Variants in CNN1 observed in about 807,000 individuals in gnomAD.
CNN1 encodes the protein calponin 1.
Under a neutral mutation model 35.3 loss-of-function variants are expected in CNN1, and 21 were observed. That is an observed-to-expected ratio of 0.60 (90% confidence interval 0.42 to 0.86). The LOEUF (loss-of-function observed/expected upper bound fraction) is 0.86. Ranked by LOEUF, CNN1 falls within the 40% of genes least tolerant of loss-of-function variation. The probability of loss-of-function intolerance (pLI) is 0.00; values close to 1 mark genes in which losing one functional copy is unlikely to be tolerated. For missense variants in CNN1, 314 were observed against 400.8 expected, an observed-to-expected ratio of 0.78 and a Z score of 1.85; for synonymous variants, 164 against 161.8, an observed-to-expected ratio of 1.01 and a Z score of -0.10.
intron 2 of CNN1, among the ~76,000 whole-genome samples, chr19:11,543,698 G>A (rs1026569378): frequency 1.3e-5 from 2 of 150,472 alleles, no homozygotes; most frequent in Admixed American, 6.7e-5. Context: ...CAGGAGAATA[G>A]CGTGAACCCG....
Position 11,538,889 on chromosome 19 carries a change from C to T in CNN1, c.-39C>T, listed in dbSNP as rs201869741. On this transcript the variant is annotated 5_prime_UTR_variant, in exon 1 of 7. Coordinates refer to ENST00000252456, the MANE Select transcript of CNN1 (RefSeq NM_001299.6). The stretch of plus-strand genomic sequence containing the variant: ...CAGCCGCTGCCTCTGTTCTCAGCGT[C>T]AGTGCCGCCACTGCCCCCGCCAGAG... 1.7e-3 allele frequency: 2,536 copies of T among 1,486,566 alleles called. 7 individuals are homozygous for T. The highest frequency in any genetic ancestry group is 2.1e-3 in the Non-Finnish European group (2,328 of 1,109,580). The allele number at this position is 1,486,566 out of a possible 1,614,324, so 92.1% of individuals were successfully genotyped here.
rs760868964 is a variant in CNN1 at position 11,546,916 on chromosome 19, G to T, written c.337G>T (p.Glu113Ter). ...CATTTTTGAGGCCAACGACCTGTTT[G>T]AGAACACCAACCATACACAGGTGCA... is the stretch of plus-strand genomic sequence containing the variant. ...HDIFEANDLF[E>*]NTNHTQVQST... Residue 113 changes from glutamate (E) to a stop codon, truncating the protein, a stop_gained, in exon 4 of 7, where the codon GAG becomes TAG. Transcript: ENST00000252456. LOFTEE classifies it high-confidence loss of function. 6.2e-7 allele frequency: 1 copy of T among 1,614,212 alleles called. No individual in the cohort carries two copies. Among genetic ancestry groups the T allele is most frequent in the Non-Finnish European group, 8.5e-7 (1 of 1,180,046 alleles).
At chr19:11,542,685 C>G (rs1026907705) in intron 2 of CNN1, among the ~76,000 whole-genome samples, 2 of 150,084 alleles carry the variant, frequency 1.3e-5, no homozygotes, top group Admixed American at 1.3e-4. Context: ...AAGCAATTCT[C>G]CTGCCTCAGC....
intron 2 of CNN1, 87 bp from the exon 3 acceptor site, chr19:11,546,588 C>T: frequency 2.1e-6 from 3 of 1,401,464 alleles, no homozygotes; most frequent in East Asian, 2.3e-5. Context: ...CCCGCCTTGG[C>T]CTCCCAAAGT....
Position 11,546,849 on chromosome 19 carries a change from C to T in CNN1, c.270C>T (p.Asn90=). ...QNWHQLENIG[N]FIKAITKYGV... ...CCCTCTAGCTGGAGAACATCGGCAA[C>T]TTCATCAAGGCCATCACCAAGTATG... Residue 90 remains asparagine, a synonymous_variant, in exon 4 of 7, where the codon AAC becomes AAT. Transcript: ENST00000252456. The T allele has an allele frequency of 6.2e-7, 1 of 1,614,266 alleles. No homozygotes were observed.
In CNN1 at chr19:11,539,213, CAG is replaced by C. The variant is rs1189113536; in HGVS notation, c.63+226_63+227del. ...GGGGGGGCACACAGCCACACATAAA[CAG>C]AGGGGGTCAGTCCATTGCAAAGATA... On this transcript the variant is annotated intron_variant, in intron 1 of 6. Transcript: ENST00000252456. 2.4e-6 allele frequency: 3 copies of C among 1,266,788 alleles called. No homozygotes were observed. The African/African-American group carries it at 4.7e-5, about 20-fold the overall frequency. 78.5% of individuals were successfully genotyped at this position (1,266,788 alleles called of 1,614,324 possible).
At chr19:11,539,734 G>A (rs1458579562) in intron 1 of CNN1, 28 of 905,540 alleles carry the variant, frequency 3.1e-5, no homozygotes, top group Non-Finnish European at 4.4e-5. Context: ...GGCTCAGGGT[G>A]GCTTTTCCCA....
Position 11,550,068 on chromosome 19 carries a change from T to C in CNN1, c.*273T>C. 2.7e-6 allele frequency: 1 copy of C among 366,838 alleles called. No homozygotes were observed. The highest frequency in any genetic ancestry group is 4.9e-6 in the Non-Finnish European group (1 of 205,318). 22.7% of individuals were successfully genotyped at this position (366,838 alleles called of 1,614,324 possible). On this transcript the variant is annotated 3_prime_UTR_variant, in exon 7 of 7. Coordinates refer to ENST00000252456, the MANE Select transcript of CNN1 (RefSeq NM_001299.6). ...ACGCACTGAGCAACGCTATTCCAGC[T>C]GTCCCCCCACTCCCTCACAAGTGGG...
chr19:11,549,835 GCTGCTGCTC>G lies in CNN1; in HGVS notation c.*41_*49del. 6.4e-7 allele frequency: 1 copy of G among 1,568,408 alleles called. No individual in the cohort carries two copies. Among genetic ancestry groups the G allele is most frequent in the Non-Finnish European group, 8.7e-7 (1 of 1,152,730 alleles). Reference sequence around the variant, plus strand: ...CCCTGTTTTCCCCCCAAGGGAGGCTGCTGCTGCTCTTGGCTGGACCCAGCCAGGCCCAGC... The same window carrying G: ...CCCTGTTTTCCCCCCAAGGGAGGCTGTTGGCTGGACCCAGCCAGGCCCAGC... On this transcript the variant is annotated 3_prime_UTR_variant, in exon 7 of 7. Transcript: ENST00000252456. This position sits in a 1 kb window ranked among gnomAD's most constrained non-coding sequence, Gnocchi z 5.2.
chr19:11,547,273 T>C (rs1311237185), intron 4 of CNN1, among the ~76,000 whole-genome samples: 2 of 151,808 alleles, frequency 1.3e-5, no homozygotes, highest in Admixed American at 1.3e-4. Flanking sequence ...GACGCATGCC[T>C]GTAATCCCAG....
At chr19:11,541,040 C>T in intron 1 of CNN1, 36 bp from the exon 2 acceptor site, 3 of 1,568,954 alleles carry the variant, frequency 1.9e-6, no homozygotes, top group Non-Finnish European at 2.6e-6. Context: ...CATCCTCACC[C>T]CTTTCTCTGT....
At chr19:11,547,449 G>A (rs374977868) in intron 4 of CNN1, among the ~76,000 whole-genome samples, 5 of 151,144 alleles carry the variant, frequency 3.3e-5, no homozygotes, top group Admixed American at 6.6e-5. Context: ...GGTGGCTCAC[G>A]CCTGTAATCC....
intron 2 of CNN1, 30 bp from the exon 3 acceptor site, chr19:11,546,645 C>A: frequency 6.2e-7 from 1 of 1,613,612 alleles, no homozygotes; most frequent in Non-Finnish European, 8.5e-7. Flanking sequence ...TGGGGGGACA[C>A]CTTTCTTACC....
At chr19:11,546,599 G>C in intron 2 of CNN1, 76 bp from the exon 3 acceptor site, 1 of 1,515,708 alleles carries the variant, frequency 6.6e-7, no homozygotes, top group Non-Finnish European at 9.1e-7. Flanking sequence ...CTCCCAAAGT[G>C]CTGGGATTAC....
chr19:11,541,051 G>T, intron 1 of CNN1, 25 bp from the exon 2 acceptor site: 1 of 1,581,856 alleles, frequency 6.3e-7, no homozygotes, highest in Non-Finnish European at 8.6e-7. Context: ...CTTTCTCTGT[G>T]CCCCCTGCCC....
chr19:11,542,732 C>T (rs978136800), intron 2 of CNN1, among the ~76,000 whole-genome samples: 3 of 152,040 alleles, frequency 2.0e-5, no homozygotes, highest in South Asian at 2.1e-4. Context: ...CCCGCCACCA[C>T]GCCCAGCTAA....
chr19:11,544,662 GTTT>G (rs745637541), intron 2 of CNN1, among the ~76,000 whole-genome samples: 1 of 131,966 alleles, frequency 7.6e-6, no homozygotes. Context: ...AAGTTTTCGG[GTTT>G]TTTTTTTTTT....
intron 2 of CNN1, among the ~76,000 whole-genome samples, chr19:11,543,149 C>G (rs973641627): frequency 6.6e-6 from 1 of 152,118 alleles, no homozygotes; most frequent in Non-Finnish European, 1.5e-5. Flanking sequence ...AGTGCAGTCC[C>G]AGCCTGGGCA....
chr19:11,546,395 CA>C (rs1253195230), intron 2 of CNN1, among the ~76,000 whole-genome samples: 1 of 149,846 alleles, frequency 6.7e-6, no homozygotes, highest in Non-Finnish European at 1.5e-5. Flanking sequence ...AGCTGGAATG[CA>C]GTGCTGCAAT....
Sources: gnomAD v4.1 joint callset for allele counts (sites outside exome capture counted in the v4.1 genomes callset) on GRCh38, gnomAD v4.1.1 for gene constraint, Gnocchi (gnomAD v3.1) non-coding constraint, MANE v1.5 for transcripts, NCBI Gene and HGNC (gene_info 2026-07-23, HGNC 2026-07-21) for gene names.